The following NCOR2 variants were observed in gnomAD, a reference collection of about 807,000 sequenced individuals.
NCOR2 encodes the protein nuclear receptor corepressor 2.
NCOR2 carries 81 observed loss-of-function variants against 262.9 expected under a neutral mutation model. The observed-to-expected ratio is 0.31, with a 90% CI of 0.26 to 0.37. NCOR2 has a LOEUF of 0.37. NCOR2 is among the 10% of genes least tolerant of loss of function. The pLI is 1.00. For missense variants in NCOR2, 3,385 were observed against 3,621.4 expected (o/e 0.93, Z 1.68); for synonymous variants, 1,659 against 1,559.3 (o/e 1.06, Z -1.51).
intron 5 of NCOR2, among the ~76,000 whole-genome samples, chr12:124,463,722 G>T (rs1255905698): frequency 6.6e-6 from 1 of 152,220 alleles, no homozygotes; most frequent in East Asian, 1.9e-4. Context: ...TCCCCCAAGG[G>T]GCGGTAAGTC....
At chr12:124,433,883 C>CACAA (rs2044162331) in intron 8 of NCOR2, among the ~76,000 whole-genome samples, 1 of 78,896 alleles carries the variant, frequency 1.3e-5, no homozygotes, top group African/African-American at 8.1e-5. Context: ...CACACACACA[C>CACAA]ACACACACAC....
rs752783314 is a variant in NCOR2 at position 124,495,164 on chromosome 12, T to C, written c.88A>G (p.Ile30Val). 2 of 1,613,932 alleles carry C rather than the reference T, an allele frequency of 1.2e-6. No individual in the cohort carries two copies. Among genetic ancestry groups the C allele is most frequent in the Non-Finnish European group, 1.7e-6 (2 of 1,179,922 alleles). The change falls in exon 1 of 47, where the codon ATC (isoleucine) becomes GTC (valine). Residue 30 changes from isoleucine to valine, a missense_variant. Physicochemically the swap from Ile to Val is conservative, Grantham distance 29 (BLOSUM62 3). Coordinates refer to ENST00000405201, the Ensembl canonical transcript of NCOR2. The surrounding 1 kb of genome is among the most constrained non-coding windows in gnomAD (Gnocchi z 4.4). ...CCCCTTACCGTGTGCGTCCGGGCGA[T>C]CTGCACTGGGTAGGAAAGGCTGTGG... is the stretch of plus-strand genomic sequence containing the variant.
chr12:124,501,114 G>A (rs1467953668), intron 1 of NCOR2, among the ~76,000 whole-genome samples: 3 of 147,650 alleles, frequency 2.0e-5, no homozygotes, highest in Non-Finnish European at 3.0e-5. Flanking sequence ...ACACTCGACA[G>A]AACCCTCTGA....
Position 124,348,586 on chromosome 12 carries a change from T to C in NCOR2, c.3845-272A>G, listed in dbSNP as rs147351333. On this transcript the variant is annotated intron_variant, in intron 28 of 46. Transcript: ENST00000405201. Reference sequence around the variant, plus strand: ...CCTGTACCCTAGCCCTCCAGGGTGCTCTGTCTGCAAGCAAGGGTGTGCCTG... The same window carrying C: ...CCTGTACCCTAGCCCTCCAGGGTGCCCTGTCTGCAAGCAAGGGTGTGCCTG... 1.1e-3 allele frequency: 544 copies of C among 494,464 alleles called. 4 individuals are homozygous for C. The East Asian group carries it at 0.016, about 15-fold the overall frequency. The allele number at this position is 494,464 out of a possible 1,614,324, so 30.6% of individuals were successfully genotyped here.
Position 124,333,735 on chromosome 12 carries a change from C to T in NCOR2, c.6606-456G>A, listed in dbSNP as rs889484119. Among the ~76,000 whole-genome samples the T allele has an allele frequency of 9.2e-5, 14 of 152,350 alleles. No individual in the cohort carries two copies. In the South Asian group the frequency reaches 1.7e-3, roughly 18 times the overall value. ...TCCCCTCTCTTTCTCTTTTGACCCC[C>T]AGAGGCCCCACGGTTCACCAGGGTG... On this transcript the variant is annotated intron_variant, in intron 41 of 46. Coordinates refer to ENST00000405201, the Ensembl canonical transcript of NCOR2.
chr12:124,329,688 G>A (rs2035014651), intron 44 of NCOR2, among the ~76,000 whole-genome samples: 3 of 152,322 alleles, frequency 2.0e-5, no homozygotes, highest in East Asian at 1.9e-4. Flanking sequence ...AGGCTGCAGT[G>A]AGCTGTGATT....
chr12:124,429,111 G>A lies in NCOR2; in HGVS notation c.1149+502C>T, dbSNP rs1456190277. On this transcript the variant is annotated intron_variant, in intron 10 of 46. Coordinates refer to ENST00000405201, the Ensembl canonical transcript of NCOR2. ...CCCTGCTCCAGCCAGGAGGGCTGAG[G>A]TGCCTGCGAGAAGGTCGTGGCTGCG... is the stretch of plus-strand genomic sequence containing the variant. 1.3e-4 allele frequency among the ~76,000 whole-genome samples: 20 copies of A among 152,386 alleles called. No individual in the cohort carries two copies. The East Asian group carries it at 2.7e-3, about 21-fold the overall frequency.
chr12:124,497,117 C>T (rs2048420724), upstream of NCOR2, among the ~76,000 whole-genome samples: 1 of 152,234 alleles, frequency 6.6e-6, no homozygotes, highest in African/African-American at 2.4e-5. This position sits in a 1 kb window ranked among gnomAD's most constrained non-coding sequence, Gnocchi z 4.2. Flanking sequence ...GCAGCCCAAG[C>T]TGGGTTTCTG....
chr12:124,430,580 T>C (rs373931146), intron 9 of NCOR2, 35 bp downstream of exon 11: 7 of 1,576,280 alleles, frequency 4.4e-6, no homozygotes, highest in South Asian at 2.3e-5. Context: ...CCCCGGGCCC[T>C]GACGTCGGGG....
intron 26 of NCOR2, 84 bp downstream of exon 28, chr12:124,354,393 TC>T (rs2037776635): frequency 2.3e-6 from 3 of 1,304,044 alleles, no homozygotes; most frequent in Admixed American, 2.7e-5. Context: ...AGATGACACT[TC>T]CCAGCAGGTT....
upstream of NCOR2, chr12:124,539,079 C>G (rs1237161225): frequency 6.6e-6 from 1 of 152,198 alleles, no homozygotes; most frequent in South Asian, 2.1e-4. This position sits in a 1 kb window ranked among gnomAD's most constrained non-coding sequence, Gnocchi z 5.1. Flanking sequence ...AGGCTGCCCG[C>G]GAGCGGCCAG....
chr12:124,409,194 AG>A (rs1275762706), intron 13 of NCOR2, among the ~76,000 whole-genome samples: 1 of 152,220 alleles, frequency 6.6e-6, no homozygotes, highest in African/African-American at 2.4e-5. Context: ...ATCCTAATTC[AG>A]ATCCCGACCC....
At chr12:124,418,442 T>G (rs1593450596) in intron 13 of NCOR2, among the ~76,000 whole-genome samples, 1 of 149,350 alleles carries the variant, frequency 6.7e-6, no homozygotes. Flanking sequence ...CAACACCTTA[T>G]GGGTCTCGAC....
exon 45 of NCOR2, chr12:124,327,449 G>A (rs768320718): frequency 5.6e-6 from 9 of 1,612,596 alleles, no homozygotes; most frequent in South Asian, 1.1e-5. Context: ...CGTCAGCAGC[G>A]GTTATGGGCA....
intron 1 of NCOR2, among the ~76,000 whole-genome samples, chr12:124,551,659 T>C (rs897763463): frequency 6.6e-6 from 1 of 152,160 alleles, no homozygotes; most frequent in Non-Finnish European, 1.5e-5. Flanking sequence ...GTGGTCCTCC[T>C]CGGGGTCTGG....
chr12:124,498,823 C>T (rs1407556152), upstream of NCOR2, among the ~76,000 whole-genome samples: 1 of 152,200 alleles, frequency 6.6e-6, no homozygotes, highest in Non-Finnish European at 1.5e-5. Context: ...GAACGAAGGA[C>T]GGCTGTGTCC....
chr12:124,476,384 T>G (rs1174905060), intron 3 of NCOR2, among the ~76,000 whole-genome samples: 4 of 152,080 alleles, frequency 2.6e-5, no homozygotes, highest in Non-Finnish European at 1.5e-5. Context: ...GCACTACTGG[T>G]GGCAAGAAAC....
chr12:124,480,950 T>G (rs1009337741), intron 3 of NCOR2, among the ~76,000 whole-genome samples: 105 of 83,216 alleles, frequency 1.3e-3, no homozygotes, highest in African/African-American at 1.4e-3. Context: ...GGCTGGGAGG[T>G]GAGGGGGAGG....
intron 38 of NCOR2, chr12:124,336,401 C>G (rs1011092365): frequency 9.0e-6 from 2 of 221,008 alleles, no homozygotes; most frequent in Admixed American, 1.1e-4. Context: ...GAAAAAAAAG[C>G]AAAAATCCAA....
Sources: allele counts gnomAD v4.1 joint callset (sites outside exome capture counted in the v4.1 genomes callset), GRCh38; gene constraint gnomAD v4.1.1; non-coding constraint Gnocchi (gnomAD v3.1); transcripts MANE v1.5; gene names NCBI Gene and HGNC (gene_info 2026-07-23, HGNC 2026-07-21).